The following TNS1 variants were observed in gnomAD, a reference collection of about 807,000 sequenced individuals.
The protein encoded by TNS1 is tensin 1, also known as tensin-1.
TNS1 carries 62 observed loss-of-function variants against 168.6 expected under a neutral mutation model. The observed-to-expected ratio is 0.37, with a 90% CI of 0.30 to 0.45. The LOEUF (loss-of-function observed/expected upper bound fraction) is 0.45. Ranked by LOEUF, TNS1 falls within the 20% of genes least tolerant of loss-of-function variation. The probability of loss-of-function intolerance (pLI) is 1.00; values close to 1 mark genes in which losing one functional copy is unlikely to be tolerated. For synonymous variants in TNS1, 934 were observed against 933.2 expected (o/e 1.00, Z -0.02); for missense variants, 2,240 against 2,339.4 (o/e 0.96, Z 0.88).
At chr2:217,841,967 C>G in intron 19 of TNS1, 2 of 663,324 alleles carry the variant, frequency 3.0e-6, no homozygotes, top group Middle Eastern at 2.8e-4. Context: ...CCCTTGTTGA[C>G]TTCTAACCCA....
At chr2:217,862,287 C>T (rs930516050) in intron 18 of TNS1, among the ~76,000 whole-genome samples, 1 of 152,038 alleles carries the variant, frequency 6.6e-6, no homozygotes, top group Non-Finnish European at 1.5e-5. Context: ...AAAAAAAAGA[C>T]AATTTTTTTT....
intron 3 of TNS1, chr2:217,937,128 G>C: frequency 2.3e-6 from 1 of 426,042 alleles, no homozygotes; most frequent in South Asian, 1.7e-5. Flanking sequence ...GCTCACATGA[G>C]CTGCCTCCTG....
At chr2:217,983,370 C>T (rs759834503) in intron 2 of TNS1, among the ~76,000 whole-genome samples, 30 of 152,168 alleles carry the variant, frequency 2.0e-4, no homozygotes, top group Non-Finnish European at 3.5e-4. Context: ...CCTGTCCAAC[C>T]GGAGCTCCAT....
chr2:218,016,961 A>G (rs1958767022), intron 1 of TNS1, among the ~76,000 whole-genome samples: 1 of 152,192 alleles, frequency 6.6e-6, no homozygotes, highest in Admixed American at 6.5e-5. Context: ...GGAATCAAAG[A>G]ACGAGGAGAG....
chr2:217,979,130 C>T (rs1029285355), intron 2 of TNS1, among the ~76,000 whole-genome samples: 1 of 152,176 alleles, frequency 6.6e-6, no homozygotes, highest in Non-Finnish European at 1.5e-5. Context: ...TAGCCCGGAC[C>T]CGGGCCCCAC....
At chr2:218,009,481 A>G (rs1958687115) in intron 1 of TNS1, among the ~76,000 whole-genome samples, 1 of 151,408 alleles carries the variant, frequency 6.6e-6, no homozygotes, top group Admixed American at 6.6e-5. Context: ...ACGCCCACCC[A>G]CAGCACTGCA....
chr2:217,885,262 G>T (rs1292581255), intron 15 of TNS1, 98 bp from the exon 16 acceptor site: 2 of 1,539,620 alleles, frequency 1.3e-6, no homozygotes, highest in Non-Finnish European at 1.8e-6. Context: ...AGCCCCCAAG[G>T]CTCACCCCAA....
intron 3 of TNS1, among the ~76,000 whole-genome samples, chr2:217,965,626 C>T (rs13424675): frequency 0.053 from 8,008 of 152,256 alleles, 623 homozygotes; most frequent in African/African-American, 0.16. Flanking sequence ...CCTCCCTCCA[C>T]ACCAGCAGGT....
At chr2:217,942,390 T>A (rs1035832752) in intron 3 of TNS1, among the ~76,000 whole-genome samples, 3 of 152,134 alleles carry the variant, frequency 2.0e-5, no homozygotes, top group Admixed American at 2.0e-4. Flanking sequence ...CCAGTGCTGA[T>A]CCCATTCGGG....
chr2:217,947,027 GC>G (rs1957127568), intron 3 of TNS1, among the ~76,000 whole-genome samples: 2 of 143,864 alleles, frequency 1.4e-5, no homozygotes, highest in South Asian at 4.4e-4. Flanking sequence ...AGTCTGCTCA[GC>G]CCCCTGGCTC....
At chr2:218,017,341 A>G (rs1958770830) in intron 1 of TNS1, among the ~76,000 whole-genome samples, 1 of 152,212 alleles carries the variant, frequency 6.6e-6, no homozygotes, top group African/African-American at 2.4e-5. Context: ...CAGACCACAG[A>G]TGAGGAGGTA....
chr2:217,807,752 A>G (rs1939447922), intron 32 of TNS1, among the ~76,000 whole-genome samples: 1 of 152,234 alleles, frequency 6.6e-6, no homozygotes. Context: ...TGGGGCAGAA[A>G]AGATCATGTA....
At chr2:217,942,600 C>T (rs1956969046) in intron 3 of TNS1, among the ~76,000 whole-genome samples, 2 of 152,128 alleles carry the variant, frequency 1.3e-5, no homozygotes, top group African/African-American at 4.8e-5. Context: ...CCACCATGGT[C>T]TCCACCCACC....
At chr2:217,867,640 C>G (rs901329204) in intron 18 of TNS1, among the ~76,000 whole-genome samples, 2 of 152,254 alleles carry the variant, frequency 1.3e-5, no homozygotes, top group Admixed American at 6.5e-5. Context: ...GATCTACTCC[C>G]TGTTACCTTA....
At position 217,818,188 on chromosome 2, in the gene TNS1, C is replaced by T. The variant is rs371485196; in HGVS notation, c.4144G>A (p.Ala1382Thr). ...GSPSLGRHPGAHQGNLASGLH... is the reference protein window; with the variant it reads ...GSPSLGRHPGTHQGNLASGLH... ...CCGGAGGCCAGGTTGCCTTGGTGAG[C>T]CCCAGGGTGCCGGCCCAGGCTGGGA... Residue 1382 changes from alanine to threonine, a missense_variant, in exon 24 of 33, where the codon GCT becomes ACT. Ala to Thr is a moderately conservative substitution (Grantham distance 58). This residue lies in a region of TNS1 where 2,131 missense variants were observed against 2,171.2 expected (regional missense o/e 0.98). Coordinates refer to ENST00000682258, the MANE Select transcript of TNS1 (RefSeq NM_001387777.1). 23 of 1,613,728 alleles carry T rather than the reference C, an allele frequency of 1.4e-5. No homozygotes were observed. The African/African-American group carries it at 2.7e-4, about 19-fold the overall frequency.
At chr2:217,970,530 A>G (rs1289354585) in intron 3 of TNS1, among the ~76,000 whole-genome samples, 2 of 152,230 alleles carry the variant, frequency 1.3e-5, no homozygotes, top group East Asian at 1.9e-4. Flanking sequence ...GAAAAACAAC[A>G]TGGGCTACAC....
At chr2:218,008,356 G>C (rs1165720416) in intron 1 of TNS1, among the ~76,000 whole-genome samples, 1 of 152,230 alleles carries the variant, frequency 6.6e-6, no homozygotes, top group African/African-American at 2.4e-5. Context: ...GAAAAGGAGA[G>C]TGGAGTGAAG....
At chr2:217,833,818 T>A (rs895415449) in intron 21 of TNS1, among the ~76,000 whole-genome samples, 1 of 152,270 alleles carries the variant, frequency 6.6e-6, no homozygotes, top group Admixed American at 6.5e-5. Context: ...CCGTTCTTTT[T>A]TACATTGATT....
At position 217,995,478 on chromosome 2, in the gene TNS1, T is replaced by C. The variant is rs74726669; in HGVS notation, c.34-4422A>G. 0.06 allele frequency among the ~76,000 whole-genome samples: 9,181 copies of C among 151,796 alleles called. 334 individuals are homozygous for C. The highest frequency in any genetic ancestry group is 0.08 in the Non-Finnish European group (5,428 of 67,932). On this transcript the variant is annotated intron_variant, in intron 1 of 32. Transcript: ENST00000682258. This position sits in a 1 kb window ranked among gnomAD's most constrained non-coding sequence, Gnocchi z 4.1. ...AACTTAACAATCAGATGCAAAAATA[T>C]GGGCTAAGAAGAAAAGCGGGGTGCC...
Sources: allele counts gnomAD v4.1 joint callset (sites outside exome capture counted in the v4.1 genomes callset), GRCh38; gene constraint gnomAD v4.1.1; regional missense constraint gnomAD v4.1.1; non-coding constraint Gnocchi (gnomAD v3.1); transcripts MANE v1.5; gene names NCBI Gene and HGNC (gene_info 2026-07-23, HGNC 2026-07-21).